Variants in POM121 observed in about 807,000 individuals in gnomAD.
POM121 encodes the protein nuclear envelope pore membrane protein POM 121.
POM121 carries 32 observed loss-of-function variants against 81.3 expected under a neutral mutation model. The observed-to-expected ratio is 0.39, with a 90% CI of 0.30 to 0.53. The LOEUF is 0.53. POM121 is among the 20% of genes least tolerant of loss of function. POM121 has a pLI of 0.66. For synonymous variants in POM121, 514 were observed against 694.2 expected (o/e 0.74, Z 4.08); for missense variants, 1,138 against 1,614.6 (o/e 0.70, Z 5.06).
chr7:72,911,030 A>G (rs1323873417), intron 3 of POM121, among the ~76,000 whole-genome samples: 1 of 152,198 alleles, frequency 6.6e-6, no homozygotes, highest in Non-Finnish European at 1.5e-5. Flanking sequence ...TATGTCCGCC[A>G]GGTTGGAGTA....
chr7:72,919,288 T>A (rs1323790746), intron 4 of POM121, among the ~76,000 whole-genome samples: 1 of 151,536 alleles, frequency 6.6e-6, no homozygotes, highest in South Asian at 2.1e-4. Context: ...TTTGCTGATA[T>A]CATTCCTCAA....
chr7:72,929,630 C>A (rs1263534548), intron 4 of POM121, among the ~76,000 whole-genome samples: 1 of 152,192 alleles, frequency 6.6e-6, no homozygotes, highest in African/African-American at 2.4e-5. Flanking sequence ...TCCAAAAGTT[C>A]CCACATGCCT....
chr7:72,908,741 C>T (rs1208650574), intron 3 of POM121, among the ~76,000 whole-genome samples: 2 of 152,140 alleles, frequency 1.3e-5, no homozygotes, highest in African/African-American at 4.8e-5. Context: ...AAGAATTCAG[C>T]GTTATTTCTC....
At chr7:72,924,994 C>G (rs1441985849), upstream of POM121, 1 of 1,324,992 alleles carries the variant, frequency 7.5e-7, no homozygotes, top group Admixed American at 4.1e-5. Flanking sequence ...CCAGTTGGGT[C>G]TCGGGCGCTG....
At chr7:72,886,104 G>A (rs1465662221) in intron 1 of POM121, among the ~76,000 whole-genome samples, 3 of 152,038 alleles carry the variant, frequency 2.0e-5, no homozygotes, top group Admixed American at 1.3e-4. Context: ...TATTTTTACA[G>A]GTGGTATCAG....
At position 72,929,988 on chromosome 7, in the gene POM121, C is replaced by T. The variant is rs1554498250; in HGVS notation, c.1152C>T (p.His384=). The T allele has an allele frequency of 1.9e-6, 3 of 1,613,942 alleles. No homozygotes were observed. The highest frequency in any genetic ancestry group is 3.3e-5 in the Admixed American group (2 of 60,014). The stretch of plus-strand genomic sequence containing the variant: ...TCAATTCTCAGAGCTCAGATGACCA[C>T]TTGAATAAGAGATCCCGAAGCTCTT... The part of the protein sequence containing the change: ...RGLNSQSSDD[H]LNKRSRSSSM... The change falls in exon 5 of 13, where the codon CAC becomes CAT. Residue 384 remains histidine (H), a synonymous_variant. Coordinates refer to ENST00000434423, the MANE Select transcript of POM121 (RefSeq NM_001387691.1).
intron 3 of POM121, among the ~76,000 whole-genome samples, chr7:72,896,876 C>T (rs533118819): frequency 3.5e-4 from 54 of 152,408 alleles, no homozygotes; most frequent in African/African-American, 1.2e-3. Flanking sequence ...GAACTGAACA[C>T]GTTACCCTAA....
At chr7:72,893,341 T>C (rs1200327536) in intron 3 of POM121, among the ~76,000 whole-genome samples, 1 of 151,608 alleles carries the variant, frequency 6.6e-6, no homozygotes, top group Non-Finnish European at 1.5e-5. Flanking sequence ...CCCAGCACTT[T>C]GGGAGGCCGA....
intron 4 of POM121, among the ~76,000 whole-genome samples, chr7:72,914,441 A>G (rs1794100690): frequency 6.6e-6 from 1 of 151,450 alleles, no homozygotes; most frequent in Admixed American, 6.6e-5. Flanking sequence ...TGCAATTAGT[A>G]ACTGAAACAG....
At chr7:72,893,117 C>A (rs1359849064) in intron 3 of POM121, among the ~76,000 whole-genome samples, 1 of 151,992 alleles carries the variant, frequency 6.6e-6, no homozygotes, top group Non-Finnish European at 1.5e-5. Context: ...ACCATCACGC[C>A]CGGCCTATTT....
At chr7:72,916,655 T>C (rs1794318002) in intron 4 of POM121, among the ~76,000 whole-genome samples, 2 of 152,242 alleles carry the variant, frequency 1.3e-5, no homozygotes, top group South Asian at 4.1e-4. Flanking sequence ...ACAGGCTCGT[T>C]TTTGGTTCCA....
chr7:72,899,688 C>T (rs1231143094), intron 3 of POM121, among the ~76,000 whole-genome samples: 3 of 151,636 alleles, frequency 2.0e-5, no homozygotes, highest in East Asian at 2.0e-4. Flanking sequence ...ACACCATTCT[C>T]CTGCCTCAGC....
At chr7:72,893,938 T>C (rs1449897375) in intron 3 of POM121, among the ~76,000 whole-genome samples, 1 of 152,162 alleles carries the variant, frequency 6.6e-6, no homozygotes, top group Non-Finnish European at 1.5e-5. Flanking sequence ...TTCTGTTCTG[T>C]GCTGCCCCCT....
chr7:72,879,721 C>A (rs1554488973), exon 1 of POM121: 5 of 458,418 alleles, frequency 1.1e-5, no homozygotes, highest in Admixed American at 4.8e-5. Context: ...GAGAAGGACA[C>A]CCGCCTGGAT....
chr7:72,887,388 A>G (rs1294592958), intron 1 of POM121, among the ~76,000 whole-genome samples: 1 of 151,154 alleles, frequency 6.6e-6, no homozygotes, highest in African/African-American at 2.4e-5. Context: ...CCATCCCACA[A>G]CTCTTTCTCC....
At chr7:72,922,329 G>GT (rs1794888364), upstream of POM121, among the ~76,000 whole-genome samples, 1 of 152,098 alleles carries the variant, frequency 6.6e-6, no homozygotes, top group Admixed American at 6.5e-5. Context: ...TATTAGAGTT[G>GT]TTTTTCCCAG....
chr7:72,883,725 C>G (rs1170209524), intron 1 of POM121, among the ~76,000 whole-genome samples: 1 of 151,750 alleles, frequency 6.6e-6, no homozygotes, highest in African/African-American at 2.4e-5. Flanking sequence ...TCTTTTCACA[C>G]AACTATACCA....
intron 3 of POM121, among the ~76,000 whole-genome samples, chr7:72,891,445 C>T: frequency 6.6e-6 from 1 of 152,142 alleles, no homozygotes. Flanking sequence ...CTTGTTCTGT[C>T]ACCCAGGCTG....
intron 3 of POM121, among the ~76,000 whole-genome samples, chr7:72,897,955 G>A (rs1792136006): frequency 6.6e-6 from 1 of 152,152 alleles, no homozygotes; most frequent in Non-Finnish European, 1.5e-5. Context: ...GGAAGTCATG[G>A]CTGCAGTGAG....
Sources: gnomAD v4.1 joint callset for allele counts (sites outside exome capture counted in the v4.1 genomes callset) on GRCh38, gnomAD v4.1.1 for gene constraint, MANE v1.5 for transcripts, NCBI Gene and HGNC (gene_info 2026-07-23, HGNC 2026-07-21) for gene names.